Variants in CNBD1 observed in about 807,000 individuals in gnomAD.
The protein encoded by CNBD1 is cyclic nucleotide binding domain containing 1, also known as cyclic nucleotide-binding domain-containing protein 1.
In CNBD1, 71 loss-of-function variants were observed where a neutral mutation model predicts 54.4. The observed-to-expected ratio is 1.30, with a 90% CI of 1.08 to 1.59. The LOEUF is 1.59. Ranked by LOEUF, CNBD1 falls within the 40% of genes most tolerant of loss-of-function variation. The pLI is 0.00. For missense variants in CNBD1, 659 were observed against 518.0 expected, an observed-to-expected ratio of 1.27 and a Z score of -2.64; for synonymous variants, 182 against 170.7, an observed-to-expected ratio of 1.07 and a Z score of -0.51.
chr8:87,262,882 A>G (rs952522894), intron 6 of CNBD1, among the ~76,000 whole-genome samples: 11 of 152,162 alleles, frequency 7.2e-5, no homozygotes, highest in African/African-American at 2.7e-4. Flanking sequence ...CAATTAATAC[A>G]AAATAGTTTC....
At chr8:87,135,470 CAT>C (rs1221718911) in intron 4 of CNBD1, among the ~76,000 whole-genome samples, 3 of 151,060 alleles carry the variant, frequency 2.0e-5, no homozygotes, top group Non-Finnish European at 4.4e-5. Flanking sequence ...AAGTATTAAA[CAT>C]GTGTTGCTAG....
At chr8:87,089,396 C>T (rs1430723050) in intron 4 of CNBD1, among the ~76,000 whole-genome samples, 2 of 151,986 alleles carry the variant, frequency 1.3e-5, no homozygotes, top group South Asian at 4.1e-4. Context: ...ATGATGTTAT[C>T]ACGTATTCCA....
intron 10 of CNBD1, among the ~76,000 whole-genome samples, chr8:87,361,404 TAA>T (rs1254075103): frequency 5.9e-5 from 9 of 151,348 alleles, no homozygotes; most frequent in African/African-American, 2.2e-4. Context: ...GAAGTGAAAA[TAA>T]AAAGAACAGA....
intron 4 of CNBD1, among the ~76,000 whole-genome samples, chr8:87,127,456 T>C (rs1279727986): frequency 6.6e-6 from 1 of 152,164 alleles, no homozygotes; most frequent in Non-Finnish European, 1.5e-5. Flanking sequence ...ATCTGGACGT[T>C]CATTGTTACA....
chr8:86,970,032 ATTTTC>A (rs1048715700), intron 4 of CNBD1, among the ~76,000 whole-genome samples: 3 of 151,550 alleles, frequency 2.0e-5, no homozygotes, highest in African/African-American at 7.3e-5. Flanking sequence ...AAATGCCTTT[ATTTTC>A]TTTTCATTCT....
intron 2 of CNBD1, among the ~76,000 whole-genome samples, chr8:87,421,311 A>G (rs192841159): frequency 0.034 from 5,082 of 151,440 alleles, 122 homozygotes; most frequent in Non-Finnish European, 0.053. Context: ...TTTAGGGTAC[A>G]TGTGCACATT....
intron 8 of CNBD1, among the ~76,000 whole-genome samples, chr8:87,345,821 C>T (rs7829334): frequency 0.75 from 114,787 of 152,036 alleles, 44,475 homozygotes; most frequent in African/African-American, 0.92. Flanking sequence ...TTGATGAGTA[C>T]ACCCAGAGTA....
At chr8:87,121,453 C>A (rs561582708) in intron 4 of CNBD1, among the ~76,000 whole-genome samples, 1 of 151,730 alleles carries the variant, frequency 6.6e-6, no homozygotes, top group African/African-American at 2.4e-5. Context: ...TATATATATG[C>A]AATGTAGGAT....
At chr8:86,953,684 T>C (rs1040311066) in intron 4 of CNBD1, among the ~76,000 whole-genome samples, 2 of 152,052 alleles carry the variant, frequency 1.3e-5, no homozygotes, top group African/African-American at 4.8e-5. Context: ...CTGGCCAACA[T>C]AGTGTGACCC....
At chr8:87,131,752 ATG>A (rs1812122075) in intron 4 of CNBD1, among the ~76,000 whole-genome samples, 1 of 151,912 alleles carries the variant, frequency 6.6e-6, no homozygotes, top group South Asian at 2.1e-4. Context: ...GTAAATAGTG[ATG>A]TGTTATCAAA....
At chr8:87,094,999 G>A (rs913123054) in intron 4 of CNBD1, among the ~76,000 whole-genome samples, 15 of 152,304 alleles carry the variant, frequency 9.8e-5, no homozygotes, top group Middle Eastern at 3.4e-3. Context: ...AGATCACGCC[G>A]TGGCACACCA....
At chr8:87,234,533 G>A (rs922741218) in intron 5 of CNBD1, among the ~76,000 whole-genome samples, 1 of 152,136 alleles carries the variant, frequency 6.6e-6, no homozygotes, top group Non-Finnish European at 1.5e-5. Flanking sequence ...TTGTCAATGA[G>A]CAGTAGTATT....
rs1411176355 is a variant in CNBD1, at chr8:87,081,220, C to T, written c.432-124773C>T. On this transcript the variant is annotated intron_variant, in intron 4 of 10. Transcript: ENST00000518476. ...GTTGTGTTATCATTTTCATTTTTTC[C>T]ATAATATTTTCTAATCTTTCCTTAT... 3.3e-5 allele frequency among the ~76,000 whole-genome samples: 5 copies of T among 151,838 alleles called. No homozygotes were observed. The East Asian group carries it at 7.7e-4, about 23-fold the overall frequency.
intron 6 of CNBD1, among the ~76,000 whole-genome samples, chr8:87,256,562 T>G (rs1024573448): frequency 1.3e-4 from 20 of 151,660 alleles, no homozygotes; most frequent in Non-Finnish European, 2.9e-4. Flanking sequence ...TGCCAGTAGT[T>G]TATTTCTTCT....
chr8:87,209,102 G>A (rs1195701943), intron 5 of CNBD1, among the ~76,000 whole-genome samples: 1 of 151,822 alleles, frequency 6.6e-6, no homozygotes, highest in Non-Finnish European at 1.5e-5. Flanking sequence ...CTGAGATTTA[G>A]TATAAATCCA....
rs528277427 is a variant in CNBD1, at chr8:87,321,605, A to G, written c.1043-30080A>G. ...TTTGAATATTAACCATTTATCAGGT[A>G]TATAGTCTGCAAATATTTTCTCTCA... On this transcript the variant is annotated intron_variant, in intron 8 of 10. Transcript: ENST00000518476. Among the ~76,000 whole-genome samples, 325 of 152,222 alleles carry G rather than the reference A, an allele frequency of 2.1e-3. 2 individuals carry two copies. Among genetic ancestry groups the G allele is most frequent in the African/African-American group, 7.4e-3 (306 of 41,546 alleles).
chr8:87,408,409 GTA>G lies in CNBD1; in HGVS notation c.214-20134_214-20133del, dbSNP rs757993559. On this transcript the variant is annotated intron_variant, in intron 2 of 7. Transcript: ENST00000521593. ...GATACATATATGTGTGTGTGTGTGT[GTA>G]TAGACAGATAATATTTAATTTTTTA... 7.1e-3 allele frequency among the ~76,000 whole-genome samples: 1,085 copies of G among 152,068 alleles called. 8 individuals are homozygous for G. Among genetic ancestry groups the G allele is most frequent in the Middle Eastern group, 0.017 (5 of 292 alleles).
chr8:87,350,641 A>T (rs1810267691), intron 8 of CNBD1, among the ~76,000 whole-genome samples: 1 of 152,016 alleles, frequency 6.6e-6, no homozygotes, highest in Non-Finnish European at 1.5e-5. Flanking sequence ...GATGCCTTCA[A>T]GTGATCAAAA....
chr8:86,880,270 G>A (rs1808586912), intron 1 of CNBD1, among the ~76,000 whole-genome samples: 2 of 152,038 alleles, frequency 1.3e-5, no homozygotes, highest in Non-Finnish European at 2.9e-5. Flanking sequence ...GAGACACACA[G>A]TCAGTCTTTT....
Sources: gnomAD v4.1 joint callset for allele counts (sites outside exome capture counted in the v4.1 genomes callset) on GRCh38, gnomAD v4.1.1 for gene constraint, MANE v1.5 for transcripts, NCBI Gene and HGNC (gene_info 2026-07-23, HGNC 2026-07-21) for gene names.